The following XKR6 variants were observed in gnomAD, a reference collection of about 807,000 sequenced individuals.
The protein encoded by XKR6 is XK related 6.
In XKR6, 22 loss-of-function variants were observed where a neutral mutation model predicts 56.7. That is an observed-to-expected ratio of 0.39 (90% CI 0.28 to 0.55). XKR6 has a LOEUF of 0.55. Ranked by LOEUF, XKR6 falls within the 20% of genes least tolerant of loss-of-function variation. The pLI, the probability that XKR6 is intolerant of heterozygous loss-of-function variation, is 0.66. For synonymous variants in XKR6, 524 were observed against 387.8 expected (o/e 1.35, Z -4.13); for missense variants, 852 against 889.0 (o/e 0.96, Z 0.53).
chr8:11,114,724 C>CGTGTGTGT (rs1563146255), intron 1 of XKR6, among the ~76,000 whole-genome samples: 4 of 122,150 alleles, frequency 3.3e-5, no homozygotes, highest in African/African-American at 1.8e-4. Flanking sequence ...ACTTAGATCA[C>CGTGTGTGT]ATATGTGTGT....
At chr8:11,022,672 C>T (rs1229524068) in intron 1 of XKR6, among the ~76,000 whole-genome samples, 1 of 152,178 alleles carries the variant, frequency 6.6e-6, no homozygotes, top group East Asian at 1.9e-4. Flanking sequence ...TCCCCTTTTA[C>T]AGATGCAAAC....
chr8:11,139,032 T>C (rs1448554132), intron 1 of XKR6, among the ~76,000 whole-genome samples: 1 of 152,152 alleles, frequency 6.6e-6, no homozygotes, highest in Non-Finnish European at 1.5e-5. Flanking sequence ...AACTTGTTAA[T>C]GATTAATAAA....
intron 1 of XKR6, among the ~76,000 whole-genome samples, chr8:11,198,864 C>A (rs1312021282): frequency 2.0e-5 from 3 of 151,920 alleles, no homozygotes; most frequent in Admixed American, 6.6e-5. Flanking sequence ...TTTTGTCCCT[C>A]CCCTGCTTCA....
intron 1 of XKR6, among the ~76,000 whole-genome samples, chr8:10,956,281 C>T (rs1303121341): frequency 2.0e-5 from 3 of 152,152 alleles, no homozygotes; most frequent in Non-Finnish European, 2.9e-5. Flanking sequence ...GTTGTCATCA[C>T]GGTCATTTCA....
intron 1 of XKR6, among the ~76,000 whole-genome samples, chr8:11,012,634 A>C (rs576941125): frequency 3.9e-5 from 5 of 127,162 alleles, no homozygotes; most frequent in Admixed American, 8.4e-5. Flanking sequence ...ACCTCCCCCT[A>C]GCTTGCAGGC....
intron 1 of XKR6, among the ~76,000 whole-genome samples, chr8:11,166,817 A>C (rs4841503): frequency 0.58 from 87,864 of 152,000 alleles, 28,860 homozygotes; most frequent in African/African-American, 0.88. Context: ...AGGTGATCCA[A>C]CCGCCTCGAC....
chr8:11,066,157 C>A (rs975720538), intron 1 of XKR6, among the ~76,000 whole-genome samples: 3 of 152,222 alleles, frequency 2.0e-5, no homozygotes, highest in African/African-American at 7.2e-5. Flanking sequence ...CCCTTCTTAT[C>A]TCTAAGACAG....
chr8:11,120,459 T>C (rs1003971154), intron 1 of XKR6, among the ~76,000 whole-genome samples: 14 of 152,034 alleles, frequency 9.2e-5, no homozygotes, highest in African/African-American at 1.7e-4. Flanking sequence ...GAATAAAATG[T>C]CTAGGAATCC....
chr8:11,057,555 CAT>C (rs1799716600), intron 1 of XKR6, among the ~76,000 whole-genome samples: 1 of 152,246 alleles, frequency 6.6e-6, no homozygotes, highest in African/African-American at 2.4e-5. Flanking sequence ...TCATTTCACA[CAT>C]GTGAGGCATT....
At chr8:10,913,751 CA>C (rs958533455) in intron 2 of XKR6, among the ~76,000 whole-genome samples, 20 of 152,204 alleles carry the variant, frequency 1.3e-4, no homozygotes, top group Admixed American at 1.3e-3. Flanking sequence ...TCAAGGGAGG[CA>C]CCTTTTCTCC....
intron 1 of XKR6, among the ~76,000 whole-genome samples, chr8:11,035,836 T>C (rs1005317930): frequency 6.6e-6 from 1 of 152,102 alleles, no homozygotes; most frequent in Admixed American, 6.6e-5. Context: ...TCTGATTTTT[T>C]TCCCTGAAAA....
At chr8:10,929,854 G>A (rs1254129464) in intron 1 of XKR6, among the ~76,000 whole-genome samples, 1 of 152,128 alleles carries the variant, frequency 6.6e-6, no homozygotes, top group African/African-American at 2.4e-5. Context: ...GTTCCCTCCA[G>A]CCCACTCTGC....
At chr8:11,134,642 T>C (rs894660513) in intron 1 of XKR6, among the ~76,000 whole-genome samples, 3 of 152,078 alleles carry the variant, frequency 2.0e-5, no homozygotes, top group African/African-American at 7.3e-5. Context: ...CTTTTTACTG[T>C]GAGTTGGAGT....
intron 2 of XKR6, among the ~76,000 whole-genome samples, chr8:10,915,425 T>C (rs1243582319): frequency 6.6e-6 from 1 of 152,220 alleles, no homozygotes; most frequent in Non-Finnish European, 1.5e-5. Context: ...GCATTTCATG[T>C]GCAAACATTT....
chr8:11,110,947 C>T (rs944338144), intron 1 of XKR6, among the ~76,000 whole-genome samples: 8 of 151,832 alleles, frequency 5.3e-5, no homozygotes, highest in Non-Finnish European at 1.2e-4. Flanking sequence ...CACCATTCTC[C>T]TGCCACAGCC....
intron 1 of XKR6, among the ~76,000 whole-genome samples, chr8:11,099,034 C>A (rs1242068324): frequency 2.0e-5 from 3 of 152,112 alleles, no homozygotes; most frequent in Non-Finnish European, 2.9e-5. Flanking sequence ...CCTTCCCTAG[C>A]CCCTGGGCAC....
intron 1 of XKR6, among the ~76,000 whole-genome samples, chr8:10,955,356 T>C (rs1036096101): frequency 6.6e-6 from 1 of 152,128 alleles, no homozygotes; most frequent in Admixed American, 6.5e-5. Flanking sequence ...TATTTTTTTA[T>C]TTTTTGTACA....
intron 1 of XKR6, among the ~76,000 whole-genome samples, chr8:10,950,430 G>A (rs753352568): frequency 2.0e-5 from 3 of 152,168 alleles, no homozygotes; most frequent in Non-Finnish European, 2.9e-5. Flanking sequence ...CAGAGATCAC[G>A]GGTCCAGGCC....
At position 10,897,836 on chromosome 8, in the gene XKR6, T is replaced by TTGG. The variant is rs1413134730; in HGVS notation, c.*113_*115dup. On this transcript the variant is annotated 3_prime_UTR_variant, in exon 3 of 3. Coordinates refer to ENST00000416569, the MANE Select transcript of XKR6 (RefSeq NM_173683.4). ...TAGTGGTGGTGTTGGTGTGGCGGTG[T>TTGG]TGGTGGTGGTGGCGGTGGTTCTGTG... The TTGG allele has an allele frequency of 1.5e-6, 2 of 1,298,824 alleles. No individual in the cohort carries two copies. Among genetic ancestry groups the TTGG allele is most frequent in the South Asian group, 1.7e-5 (1 of 59,430 alleles). 80.5% of individuals were successfully genotyped at this position (1,298,824 alleles called of 1,614,324 possible).
Sources: allele counts gnomAD v4.1 joint callset (sites outside exome capture counted in the v4.1 genomes callset), GRCh38; gene constraint gnomAD v4.1.1; transcripts MANE v1.5; gene names NCBI Gene and HGNC (gene_info 2026-07-23, HGNC 2026-07-21).